The following CDC25C variants were observed in gnomAD, a reference collection of about 807,000 sequenced individuals.
CDC25C encodes the protein M-phase inducer phosphatase 3.
A neutral mutation model predicts 52.5 loss-of-function variants in CDC25C; 48 were observed. The observed-to-expected ratio is 0.91, with a 90% confidence interval of 0.72 to 1.16. CDC25C has a LOEUF of 1.16. Among genes scored for constraint, CDC25C ranks in the 50% most tolerant of loss-of-function variants. CDC25C has a pLI of 0.00. For missense variants in CDC25C, 510 were observed against 566.1 expected, an observed-to-expected ratio of 0.90 and a Z score of 1.01; for synonymous variants, 187 against 206.5, an observed-to-expected ratio of 0.91 and a Z score of 0.81.
intron 7 of CDC25C, among the ~76,000 whole-genome samples, chr5:138,311,995 G>A (rs1758487631): frequency 2.0e-5 from 3 of 152,082 alleles, no homozygotes; most frequent in Admixed American, 2.0e-4. Flanking sequence ...TTAAAATTAC[G>A]ATGAGATACC....
Position 138,285,763 on chromosome 5 carries a change from T to C in CDC25C, c.1351A>G (p.Ser451Gly). The change falls in exon 14 of 14, where the codon AGC becomes GGC. Residue 451 changes from serine to glycine, a missense_variant. By Grantham distance (56) the Ser-to-Gly change is moderately conservative. Transcript: ENST00000323760. ...KTELLRCRSQ[S>G]KVQEGERQLR... ...TGCCGCTCCCCTTCCTGCACTTTGC[T>C]CTGGCTTCGACACCTCAGCAACTCA... 2 of 1,614,182 alleles carry C rather than the reference T, an allele frequency of 1.2e-6. No homozygotes were observed. Among genetic ancestry groups the C allele is most frequent in the Non-Finnish European group, 1.7e-6 (2 of 1,180,016 alleles).
chr5:138,308,052 T>C (rs975263974), intron 7 of CDC25C, among the ~76,000 whole-genome samples: 2 of 152,176 alleles, frequency 1.3e-5, no homozygotes, highest in African/African-American at 4.8e-5. Context: ...GCCACTGATC[T>C]GACAGGAGGC....
chr5:138,313,379 CAAAAA>C (rs774904685), intron 7 of CDC25C, among the ~76,000 whole-genome samples: 1 of 37,074 alleles, frequency 2.7e-5, no homozygotes, highest in Non-Finnish European at 5.7e-5. Context: ...CTATATCTCA[CAAAAA>C]AAAAAAAAAA....
At chr5:138,327,529 G>A (rs771664604) in intron 4 of CDC25C, among the ~76,000 whole-genome samples, 94 of 151,490 alleles carry the variant, frequency 6.2e-4, no homozygotes, top group Non-Finnish European at 1.0e-3. Context: ...CCAGCTACTC[G>A]GGAGGCTGAG....
rs906470551 is a variant in CDC25C at position 138,307,001 on chromosome 5, G to C, written c.615+12218C>G. On this transcript the variant is annotated intron_variant, in intron 7 of 13. Transcript: ENST00000323760. The stretch of plus-strand genomic sequence containing the variant: ...TGGGATTACAGGTGCATGCCACCAT[G>C]CCTGGCTAATTTTTGTATTTTTAGT... Among the ~76,000 whole-genome samples, 6 of 150,824 alleles carry C rather than the reference G, an allele frequency of 4.0e-5. 1 individual carries two copies. In the East Asian group the frequency reaches 1.2e-3, roughly 30 times the overall value.
chr5:138,338,161 G>T, exon 1 of CDC25C: 1 of 1,289,660 alleles, frequency 7.8e-7, no homozygotes, highest in Non-Finnish European at 1.0e-6. Flanking sequence ...TCCATGGGTG[G>T]CTTGGGGGGA....
chr5:138,325,946 C>T, intron 5 of CDC25C, 42 bp from the exon 6 acceptor site: 1 of 1,610,848 alleles, frequency 6.2e-7, no homozygotes, highest in Non-Finnish European at 8.5e-7. Flanking sequence ...CATCCTCAAG[C>T]CACAGGTGCA....
chr5:138,293,858 G>C (rs1756943780), intron 7 of CDC25C, among the ~76,000 whole-genome samples: 1 of 151,726 alleles, frequency 6.6e-6, no homozygotes, highest in South Asian at 2.1e-4. Flanking sequence ...TGTTGTCCAG[G>C]CTGGTCTCGA....
intron 7 of CDC25C, among the ~76,000 whole-genome samples, chr5:138,307,386 G>C (rs1403400125): frequency 6.7e-6 from 1 of 150,266 alleles, no homozygotes; most frequent in African/African-American, 2.4e-5. Context: ...CAGCTACTCG[G>C]GAGGCTGAGA....
At chr5:138,319,831 T>G (rs1759205187) in intron 6 of CDC25C, among the ~76,000 whole-genome samples, 1 of 152,210 alleles carries the variant, frequency 6.6e-6, no homozygotes, top group Non-Finnish European at 1.5e-5. Context: ...TTGCAAGAGA[T>G]ACTTCTTTAT....
intron 7 of CDC25C, among the ~76,000 whole-genome samples, chr5:138,318,381 G>C (rs1019084380): frequency 4.4e-4 from 67 of 152,110 alleles, no homozygotes; most frequent in Admixed American, 3.1e-3. Context: ...GCATTTAGTA[G>C]AGTGACTCAT....
intron 2 of CDC25C, among the ~76,000 whole-genome samples, chr5:138,330,774 GC>G (rs1050141194): frequency 1.3e-5 from 2 of 152,214 alleles, no homozygotes; most frequent in African/African-American, 4.8e-5. Flanking sequence ...CTCCCAAAGT[GC>G]GGAGATTACA....
chr5:138,330,575 T>G (rs1021330752), intron 2 of CDC25C, among the ~76,000 whole-genome samples: 1 of 152,224 alleles, frequency 6.6e-6, no homozygotes, highest in Non-Finnish European at 1.5e-5. Context: ...TGAGGCGATC[T>G]TGGCTAACTG....
At chr5:138,305,023 C>T (rs1757901880) in intron 7 of CDC25C, among the ~76,000 whole-genome samples, 1 of 152,168 alleles carries the variant, frequency 6.6e-6, no homozygotes, top group South Asian at 2.1e-4. Context: ...CATAACACTC[C>T]TCTCATTCAC....
intron 7 of CDC25C, among the ~76,000 whole-genome samples, chr5:138,312,751 T>C (rs775505681): frequency 2.3e-4 from 35 of 152,098 alleles, no homozygotes; most frequent in Non-Finnish European, 3.7e-4. Context: ...ATTAAAAGAG[T>C]TCTGGAGATT....
intron 8 of CDC25C, among the ~76,000 whole-genome samples, chr5:138,291,634 G>C (rs2126660448): frequency 6.6e-6 from 1 of 151,850 alleles, no homozygotes; most frequent in Non-Finnish European, 1.5e-5. Context: ...GCCCAGTCTG[G>C]TCTTGAACTC....
intron 2 of CDC25C, among the ~76,000 whole-genome samples, chr5:138,330,355 T>C (rs2126847412): frequency 6.6e-6 from 1 of 152,252 alleles, no homozygotes; most frequent in Admixed American, 6.5e-5. Flanking sequence ...CATGGTATGA[T>C]CAGAATTCAA....
chr5:138,288,993 C>T lies in CDC25C; in HGVS notation c.927+508G>A, dbSNP rs533233531. Among the ~76,000 whole-genome samples, 6 of 152,148 alleles carry T rather than the reference C, an allele frequency of 3.9e-5. No homozygotes were observed. In the South Asian group the frequency reaches 1.0e-3, roughly 26 times the overall value. ...AGTAATTATTATTTTTTGAGACAGT[C>T]TCGCTGTGTCGCCCAGGCTGGAGTA... On this transcript the variant is annotated intron_variant, in intron 10 of 13. Coordinates refer to ENST00000323760, the MANE Select transcript of CDC25C (RefSeq NM_001790.5).
At chr5:138,323,274 G>C (rs1759581187) in intron 6 of CDC25C, among the ~76,000 whole-genome samples, 1 of 151,568 alleles carries the variant, frequency 6.6e-6, no homozygotes, top group South Asian at 2.1e-4. Flanking sequence ...TACCATGTAT[G>C]TATGTGTGTG....
Sources: allele counts gnomAD v4.1 joint callset (sites outside exome capture counted in the v4.1 genomes callset), GRCh38; gene constraint gnomAD v4.1.1; transcripts MANE v1.5; gene names NCBI Gene and HGNC (gene_info 2026-07-23, HGNC 2026-07-21).